The following GANC variants were observed in gnomAD, a reference collection of about 807,000 sequenced individuals.
GANC encodes the protein neutral alpha-glucosidase C.
A neutral mutation model predicts 124.2 loss-of-function variants in GANC; 117 were observed. The observed-to-expected ratio is 0.94, with a 90% CI of 0.81 to 1.10. The LOEUF is 1.10. Among genes scored for constraint, GANC ranks in the 50% least tolerant of loss-of-function variants. The pLI is 0.00. For synonymous variants in GANC, 377 were observed against 376.8 expected (o/e 1.00, Z -0.01); for missense variants, 1,140 against 1,095.0 (o/e 1.04, Z -0.58).
At position 42,338,455 on chromosome 15, in the gene GANC, T is replaced by G; in HGVS notation, c.1808T>G (p.Leu603Arg). 1 of 1,614,002 alleles carries G rather than the reference T, an allele frequency of 6.2e-7. No individual in the cohort carries two copies. Among genetic ancestry groups the G allele is most frequent in the Non-Finnish European group, 8.5e-7 (1 of 1,179,882 alleles). The change falls in exon 16 of 24, where the codon CTC becomes CGC. Residue 603 changes from leucine to arginine, a missense_variant. Coordinates refer to ENST00000318010, the MANE Select transcript of GANC (RefSeq NM_198141.3). ...TTGAAAATTTCTATCCCAATGTTAC[T>G]CACTCTCAGCATTACTGGGATCTCT... ...SNLKISIPML[L>R]TLSITGISFC... is the part of the protein sequence containing the mutation.
intron 21 of GANC, among the ~76,000 whole-genome samples, 171 bp from the exon 22 acceptor site, chr15:42,349,212 A>G (rs894477286): frequency 2.0e-5 from 3 of 152,222 alleles, no homozygotes; most frequent in Non-Finnish European, 2.9e-5. Flanking sequence ...TTGTTTTACT[A>G]TCTACTCAGG....
At chr15:42,345,422 A>G (rs760260119) in intron 19 of GANC, among the ~76,000 whole-genome samples, 2 of 152,144 alleles carry the variant, frequency 1.3e-5, no homozygotes, top group Non-Finnish European at 2.9e-5. Flanking sequence ...CAAATGGACT[A>G]TAAGATCCAT....
In GANC at chr15:42,273,245, GAATA is replaced by G; in HGVS notation, c.-1236_-1233del. On this transcript the variant is annotated 5_prime_UTR_variant, in exon 1 of 24. Coordinates refer to ENST00000318010, the MANE Select transcript of GANC (RefSeq NM_198141.3). Reference sequence around the variant, plus strand: ...CTCTAGGTTCAGACGTTAGTGAAGTGAATACTCACCGACGGTATCGGAATGTGCC... The same window carrying G: ...CTCTAGGTTCAGACGTTAGTGAAGTGCTCACCGACGGTATCGGAATGTGCC... 6.2e-7 allele frequency: 1 copy of G among 1,613,484 alleles called. No homozygotes were observed. Among genetic ancestry groups the G allele is most frequent in the South Asian group, 1.1e-5 (1 of 91,050 alleles).
chr15:42,293,530 G>C (rs28735757), intron 5 of GANC, among the ~76,000 whole-genome samples: 2 of 150,042 alleles, frequency 1.3e-5, no homozygotes, highest in African/African-American at 5.1e-5. Flanking sequence ...ACTCATTTCT[G>C]TTTTAAAATT....
chr15:42,329,235 G>T, intron 13 of GANC, 71 bp from the exon 14 acceptor site: 3 of 1,440,482 alleles, frequency 2.1e-6, no homozygotes, highest in Non-Finnish European at 2.8e-6. Flanking sequence ...TTAAAATGAG[G>T]TAGCAATGGT....
At chr15:42,336,608 T>A (rs2052285193) in intron 15 of GANC, among the ~76,000 whole-genome samples, 1 of 152,032 alleles carries the variant, frequency 6.6e-6, no homozygotes, top group African/African-American at 2.4e-5. Context: ...CAAAAACAAT[T>A]GGAACAAAAG....
chr15:42,279,623 C>T (rs1029476574), intron 3 of GANC, among the ~76,000 whole-genome samples: 10 of 152,190 alleles, frequency 6.6e-5, no homozygotes, highest in African/African-American at 2.2e-4. Context: ...CTGCCTGATG[C>T]CTTCAACCTG....
rs2051990561 is a variant in GANC at position 42,305,921 on chromosome 15, C to G, written c.559-625C>G. 2.0e-5 allele frequency among the ~76,000 whole-genome samples: 3 copies of G among 148,628 alleles called. No individual in the cohort carries two copies. In the South Asian group the frequency reaches 6.4e-4, roughly 32 times the overall value. Reference sequence around the variant, plus strand: ...GAACACATGGACACAGGGAGGGGAACATCACACACCGGGGTCTGTTGGGGG... The same window carrying G: ...GAACACATGGACACAGGGAGGGGAAGATCACACACCGGGGTCTGTTGGGGG... On this transcript the variant is annotated intron_variant, in intron 6 of 23. Coordinates refer to ENST00000318010, the MANE Select transcript of GANC (RefSeq NM_198141.3).
At chr15:42,338,061 C>CT (rs777759380) in intron 15 of GANC, among the ~76,000 whole-genome samples, 4 of 148,712 alleles carry the variant, frequency 2.7e-5, no homozygotes, top group Non-Finnish European at 4.5e-5. Context: ...ATGACTCCAT[C>CT]TAAAAAAAAA....
At chr15:42,305,143 C>T (rs528269820) in intron 6 of GANC, among the ~76,000 whole-genome samples, 131 of 152,172 alleles carry the variant, frequency 8.6e-4, no homozygotes, top group Non-Finnish European at 1.6e-3. Context: ...TTCTGCACAG[C>T]GAAAGAAACT....
intron 18 of GANC, 27 bp from the exon 19 acceptor site, chr15:42,343,051 C>T (rs768803688): frequency 6.3e-7 from 1 of 1,591,388 alleles, no homozygotes; most frequent in East Asian, 2.2e-5. Flanking sequence ...TAATGATACT[C>T]AACTTTATTT....
Position 42,325,087 on chromosome 15 carries a change from A to C in GANC, c.1294-1211A>C, listed in dbSNP as rs144897439. Among the ~76,000 whole-genome samples, 1,211 of 151,820 alleles carry C rather than the reference A, an allele frequency of 8.0e-3. 13 individuals carry two copies. The highest frequency in any genetic ancestry group is 0.028 in the African/African-American group (1,158 of 41,374). On this transcript the variant is annotated intron_variant, in intron 11 of 23. Transcript: ENST00000318010. The stretch of plus-strand genomic sequence containing the variant: ...GAGATCAGCCTGGCCAACATAATGA[A>C]ACCCTATCTCTATTAAAAATACAAA...
chr15:42,273,550 C>CGACTGTCTGAGAG lies in GANC; in HGVS notation c.-932_-931insGACTGTCTGAGAG. On this transcript the variant is annotated 5_prime_UTR_variant, in exon 1 of 24. Transcript: ENST00000318010. ...GCGGCGTAGCGGCCCCTCTCTCAGA[C>CGACTGTCTGAGAG]AGTCGTCTGTGCGCCGTGAGACTTT... 2 of 1,350,328 alleles carry CGACTGTCTGAGAG rather than the reference C, an allele frequency of 1.5e-6. No homozygotes were observed. The highest frequency in any genetic ancestry group is 2.0e-6 in the Non-Finnish European group (2 of 1,008,790). The allele number at this position is 1,350,328 out of a possible 1,614,324, so 83.6% of individuals were successfully genotyped here. A position where few individuals can be genotyped will look rare whatever the true frequency, so the allele number is the denominator to read the frequency against.
At position 42,310,851 on chromosome 15, in the gene GANC, T is replaced by A. The variant is rs930461810; in HGVS notation, c.1057+5T>A. On this transcript the variant is annotated splice_donor_5th_base_variant and intron_variant, in intron 10 of 23. Transcript: ENST00000318010. ...AACAGTACTCACACCTTACAGGTATTTGCACGAAGAAGTGCCAGTTTCTTG... is the reference window on the plus strand; with the variant it reads ...AACAGTACTCACACCTTACAGGTATATGCACGAAGAAGTGCCAGTTTCTTG... 23 of 1,605,794 alleles carry A rather than the reference T, an allele frequency of 1.4e-5. No homozygotes were observed. The highest frequency in any genetic ancestry group is 1.7e-4 in the Middle Eastern group (1 of 6,060).
In GANC at chr15:42,310,311, C is replaced by T. The variant is rs143698645; in HGVS notation, c.751C>T (p.Leu251=). 229 of 1,608,136 alleles carry T rather than the reference C, an allele frequency of 1.4e-4. 4 individuals are homozygous for T. The East Asian group carries it at 4.9e-3, about 35-fold the overall frequency. The change falls in exon 9 of 24, where the codon CTG becomes TTG. Residue 251 remains leucine, a synonymous_variant. Coordinates refer to ENST00000318010, the MANE Select transcript of GANC (RefSeq NM_198141.3). ...GDGDAYRLYN[L]DVYGYQIYDK... ...TGGAGATGCTTACCGTCTTTATAAC[C>T]TGGATGTCTATGGATACCAAATATA...
chr15:42,314,227 C>T lies in GANC; in HGVS notation c.1057+3381C>T, dbSNP rs2052083123. The T allele has an allele frequency of 8.2e-6, 6 of 734,064 alleles. No individual in the cohort carries two copies. The Admixed American group carries it at 9.1e-5, about 11-fold the overall frequency. The allele number at this position is 734,064 out of a possible 1,614,324, so 45.5% of individuals were successfully genotyped here. A position where few individuals can be genotyped will look rare whatever the true frequency, so the allele number is the denominator to read the frequency against. On this transcript the variant is annotated intron_variant, in intron 10 of 23. Coordinates refer to ENST00000318010, the MANE Select transcript of GANC (RefSeq NM_198141.3). ...CCACAAGGAGTTCCTCTTTAAAGCACCTGAAGCACGTAGCTACCCAGCATG... is the reference window on the plus strand; with the variant it reads ...CCACAAGGAGTTCCTCTTTAAAGCATCTGAAGCACGTAGCTACCCAGCATG...
At chr15:42,322,587 C>T (rs575373381) in intron 11 of GANC, among the ~76,000 whole-genome samples, 75 of 152,264 alleles carry the variant, frequency 4.9e-4, no homozygotes, top group South Asian at 4.6e-3. Flanking sequence ...TCTTTGTCAG[C>T]TTGTCCAGAT....
At chr15:42,275,581 A>AT (rs5812217) in intron 1 of GANC, among the ~76,000 whole-genome samples, 140,676 of 151,298 alleles carry the variant, frequency 0.93, 66,204 homozygotes, top group Non-Finnish European at 1. Context: ...AGCCGGTGTA[A>AT]TTTTTTTTTC....
At chr15:42,316,854 CAG>C (rs1212137410) in intron 10 of GANC, among the ~76,000 whole-genome samples, 1 of 152,224 alleles carries the variant, frequency 6.6e-6, no homozygotes, top group Non-Finnish European at 1.5e-5. Flanking sequence ...GCGGGCATGA[CAG>C]AGGGCTCACC....
Sources: gnomAD v4.1 joint callset for allele counts (sites outside exome capture counted in the v4.1 genomes callset) on GRCh38, gnomAD v4.1.1 for gene constraint, MANE v1.5 for transcripts, NCBI Gene and HGNC (gene_info 2026-07-23, HGNC 2026-07-21) for gene names.